Variants in ACP4 observed in about 807,000 individuals in gnomAD.
ACP4 encodes acid phosphatase 4.
In ACP4, 49 loss-of-function variants were observed where a neutral mutation model predicts 47.3. The observed-to-expected ratio is 1.04, with a 90% CI of 0.82 to 1.32. ACP4 has a LOEUF of 1.32. ACP4 is among the 40% of genes most tolerant of loss of function. The pLI is 0.00. For synonymous variants in ACP4, 299 were observed against 265.3 expected (o/e 1.13, Z -1.23); for missense variants, 594 against 579.3 (o/e 1.03, Z -0.26).
In ACP4 at chr19:50,794,560, G is replaced by A; in HGVS notation, c.965G>A (p.Gly322Glu). 6.2e-7 allele frequency: 1 copy of A among 1,614,074 alleles called. No homozygotes were observed. Among genetic ancestry groups the A allele is most frequent in the East Asian group, 2.2e-5 (1 of 44,868 alleles). The change falls in exon 9 of 11, where the codon GGG (glycine) becomes GAG (glutamate). Residue 322 changes from glycine to glutamate, a missense_variant. Coordinates refer to ENST00000270593, the MANE Select transcript of ACP4 (RefSeq NM_033068.3). ...GGCTTTGAGTTCCGGAAGCACCTGG[G>A]GAATCCCGCCAAAGATGGAGGGTGA... ...CLGFEFRKHL[G>E]NPAKDGGNVT...
intron 8 of ACP4, 104 bp from the exon 9 acceptor site, chr19:50,794,353 G>A: frequency 6.7e-7 from 1 of 1,492,160 alleles, no homozygotes; most frequent in Non-Finnish European, 9.0e-7. Flanking sequence ...GCTTTGGGGG[G>A]TTGGTTCTAA....
chr19:50,795,104 G>C lies in ACP4; in HGVS notation c.1227G>C (p.Leu409=). The C allele has an allele frequency of 1.3e-6, 2 of 1,577,916 alleles. No homozygotes were observed. Among genetic ancestry groups the C allele is most frequent in the Non-Finnish European group, 1.7e-6 (2 of 1,163,432 alleles). ...VAVLVALSLG[L]GLLAWRPGCL... is the part of the protein sequence containing the mutation. ...TGCTGGTGGCACTCAGCTTGGGGCT[G>C]GGCCTGCTGGCCTGGAGACCAGGGT... Residue 409 remains leucine, a synonymous_variant, in exon 11 of 11, where the codon CTG becomes CTC. Coordinates refer to ENST00000270593, the MANE Select transcript of ACP4 (RefSeq NM_033068.3).
At chr19:50,793,859 G>C in intron 7 of ACP4, 29 bp from the exon 8 acceptor site, 1 of 1,614,166 alleles carries the variant, frequency 6.2e-7, no homozygotes, top group Non-Finnish European at 8.5e-7. Context: ...TCCTCTGGGA[G>C]AGTCTAAGCT....
chr19:50,791,861 C>A, intron 4 of ACP4, 59 bp downstream of exon 4: 1 of 1,525,858 alleles, frequency 6.6e-7, no homozygotes. Context: ...AGAGGCAGCT[C>A]TGGGTCTGGC....
Position 50,794,904 on chromosome 19 carries a change from G to A in ACP4, c.1105G>A (p.Ala369Thr). The part of the protein sequence containing the change: ...LGRFYQLTAP[A>T]RPPAHGVSCH... ...CCGCTTCTACCAGCTGACTGCCCCGGCCCGGCCTCCCGCCCATGGGGTCTC... is the reference window on the plus strand; with the variant it reads ...CCGCTTCTACCAGCTGACTGCCCCGACCCGGCCTCCCGCCCATGGGGTCTC... The change falls in exon 10 of 11, where the codon GCC becomes ACC. Residue 369 changes from alanine to threonine, a missense_variant. Transcript: ENST00000270593. The A allele has an allele frequency of 6.2e-7, 1 of 1,613,576 alleles. No homozygotes were observed. Among genetic ancestry groups the A allele is most frequent in the Non-Finnish European group, 8.5e-7 (1 of 1,179,926 alleles).
At chr19:50,793,585 C>T (rs1015482497) in intron 6 of ACP4, 99 bp from the exon 7 acceptor site, 5 of 1,508,452 alleles carry the variant, frequency 3.3e-6, no homozygotes, top group Non-Finnish European at 4.5e-6. Context: ...CAGATCCGGC[C>T]CATGGGGGGA....
Position 50,794,454 on chromosome 19 carries a change from C to T in ACP4, c.862-3C>T, listed in dbSNP as rs200543025. The T allele has an allele frequency of 1.2e-4, 201 of 1,613,270 alleles. No individual in the cohort carries two copies. The highest frequency in any genetic ancestry group is 1.7e-4 in the Non-Finnish European group (199 of 1,179,922). On this transcript the variant is annotated splice_region_variant and splice_polypyrimidine_tract_variant and intron_variant, in intron 8 of 10. Coordinates refer to ENST00000270593, the MANE Select transcript of ACP4 (RefSeq NM_033068.3). Reference sequence around the variant, plus strand: ...CCGTCTCAGCCCTCGGGTCCACCTGCAGCATGACAGCACCCTGCTGGCCCT... The same window carrying T: ...CCGTCTCAGCCCTCGGGTCCACCTGTAGCATGACAGCACCCTGCTGGCCCT...
Position 50,790,521 on chromosome 19 carries a change from C to T in ACP4, c.107C>T (p.Ala36Val), listed in dbSNP as rs2089491907. ...CCAGAAGGACCCCTGGTGTTCGTGG[C>T]TCTGGTGAGGCGCCCCCACCCCGGC... The part of the protein sequence containing the change: ...ALPEGPLVFV[A>V]LVFRHGDRAP... Residue 36 changes from alanine (A) to valine (V), a missense_variant, in exon 1 of 11, where the codon GCT becomes GTT. Transcript: ENST00000270593. 3.9e-6 allele frequency: 6 copies of T among 1,546,196 alleles called. No individual in the cohort carries two copies. The highest frequency in any genetic ancestry group is 5.2e-6 in the Non-Finnish European group (6 of 1,145,898).
chr19:50,795,011 T>C, intron 10 of ACP4, 32 bp from the exon 11 acceptor site: 1 of 1,613,092 alleles, frequency 6.2e-7, no homozygotes, highest in Non-Finnish European at 8.5e-7. Flanking sequence ...TGCCAAGTCC[T>C]GGCACTCACC....
chr19:50,791,624 C>T, intron 3 of ACP4, 32 bp from the exon 4 acceptor site: 1 of 1,592,438 alleles, frequency 6.3e-7, no homozygotes, highest in Non-Finnish European at 8.6e-7. Context: ...CAACCACGAC[C>T]CCCCGCGTGC....
intron 1 of ACP4, 31 bp from the exon 2 acceptor site, chr19:50,790,563 C>A: frequency 6.5e-7 from 1 of 1,541,594 alleles, no homozygotes; most frequent in Non-Finnish European, 8.8e-7. Flanking sequence ...TTAGCTCCCC[C>A]AGGGCTAGCC....
chr19:50,790,507 C>G lies in ACP4; in HGVS notation c.93C>G (p.Pro31=). 1 of 1,551,544 alleles carries G rather than the reference C, an allele frequency of 6.4e-7. No individual in the cohort carries two copies. The highest frequency in any genetic ancestry group is 1.9e-5 in the Admixed American group (1 of 51,292). ...VLPPRALPEG[P]LVFVALVFRH... ...CACCCCGGGCCCTGCCAGAAGGACC[C>G]CTGGTGTTCGTGGCTCTGGTGAGGC... The change falls in exon 1 of 11, where the codon CCC becomes CCG. Residue 31 remains proline (P), a synonymous_variant. Coordinates refer to ENST00000270593, the MANE Select transcript of ACP4 (RefSeq NM_033068.3).
intron 6 of ACP4, 127 bp downstream of exon 6, chr19:50,792,464 A>G: frequency 1.1e-6 from 1 of 941,478 alleles, no homozygotes; most frequent in Non-Finnish European, 1.6e-6. Flanking sequence ...CCATCTGCAC[A>G]GTGGGGATGG....
chr19:50,791,618 C>T (rs755061635), intron 3 of ACP4, 38 bp from the exon 4 acceptor site: 3 of 1,589,140 alleles, frequency 1.9e-6, no homozygotes, highest in Admixed American at 3.4e-5. Context: ...TGTCCCCAAC[C>T]ACGACCCCCC....
intron 6 of ACP4, chr19:50,793,338 C>A (rs769099953): frequency 1.6e-5 from 4 of 243,226 alleles, no homozygotes; most frequent in Non-Finnish European, 3.2e-5. Flanking sequence ...GGTAAAACCC[C>A]GTCTCTACTA....
At chr19:50,790,555 A>G in intron 1 of ACP4, 30 bp downstream of exon 1, 2 of 1,540,188 alleles carry the variant, frequency 1.3e-6, no homozygotes, top group Non-Finnish European at 1.8e-6. Context: ...GCCTGCCCTT[A>G]GCTCCCCCAG....
chr19:50,791,983 G>A (rs1044788241), intron 4 of ACP4, 90 bp from the exon 5 acceptor site: 91 of 1,468,306 alleles, frequency 6.2e-5, no homozygotes, highest in Non-Finnish European at 7.5e-5. Flanking sequence ...CGACAAAGAC[G>A]CAGGGGCCGA....
At position 50,795,102 on chromosome 19, in the gene ACP4, C is replaced by A. The variant is rs1220177487; in HGVS notation, c.1225C>A (p.Leu409Met). ...TGTGCTGGTGGCACTCAGCTTGGGGCTGGGCCTGCTGGCCTGGAGACCAGG... is the reference window on the plus strand; with the variant it reads ...TGTGCTGGTGGCACTCAGCTTGGGGATGGGCCTGCTGGCCTGGAGACCAGG... ...VAVLVALSLG[L>M]GLLAWRPGCL... Residue 409 changes from leucine (L) to methionine (M), a missense_variant, in exon 11 of 11, where the codon CTG becomes ATG. By Grantham distance (15) the Leu-to-Met change is conservative. Coordinates refer to ENST00000270593, the MANE Select transcript of ACP4 (RefSeq NM_033068.3). The A allele has an allele frequency of 1.9e-6, 3 of 1,577,730 alleles. No individual in the cohort carries two copies. Among genetic ancestry groups the A allele is most frequent in the Non-Finnish European group, 2.6e-6 (3 of 1,163,286 alleles).
chr19:50,794,591 G>C lies in ACP4; in HGVS notation c.986+10G>C. 1 of 1,614,084 alleles carries C rather than the reference G, an allele frequency of 6.2e-7. No individual in the cohort carries two copies. Among genetic ancestry groups the C allele is most frequent in the South Asian group, 1.1e-5 (1 of 91,086 alleles). Reference sequence around the variant, plus strand: ...CCGCCAAAGATGGAGGGTGAGAATGGTTTGGTGCCCAGGGACATGGGTGGG... The same window carrying C: ...CCGCCAAAGATGGAGGGTGAGAATGCTTTGGTGCCCAGGGACATGGGTGGG... On this transcript the variant is annotated intron_variant, in intron 9 of 10. Coordinates refer to ENST00000270593, the MANE Select transcript of ACP4 (RefSeq NM_033068.3).
Sources: allele counts gnomAD v4.1 joint callset, GRCh38; gene constraint gnomAD v4.1.1; transcripts MANE v1.5; gene names NCBI Gene and HGNC (gene_info 2026-07-23, HGNC 2026-07-21).